The following RABGAP1L variants were observed in gnomAD, a reference collection of about 807,000 sequenced individuals.
RABGAP1L encodes the protein RAB GTPase activating protein 1 like.
RABGAP1L carries 63 observed loss-of-function variants against 137.7 expected under a neutral mutation model. The observed-to-expected ratio is 0.46, with a 90% CI of 0.37 to 0.56. The LOEUF (loss-of-function observed/expected upper bound fraction) is 0.56. Ranked by LOEUF, RABGAP1L falls within the 20% of genes least tolerant of loss-of-function variation. RABGAP1L has a pLI of 0.00. For missense variants in RABGAP1L, 1,095 were observed against 1,244.0 expected, an observed-to-expected ratio of 0.88 and a Z score of 1.80; for synonymous variants, 431 against 433.7, an observed-to-expected ratio of 0.99 and a Z score of 0.08.
At position 174,470,596 on chromosome 1, in the gene RABGAP1L, G is replaced by A. The variant is rs566818855; in HGVS notation, c.1710+76451G>A. On this transcript the variant is annotated intron_variant, in intron 13 of 25. Transcript: ENST00000681986. ...AGCCTGGCCAACATGGTGAAACCCC[G>A]TCTCTACTAAAAGTACAAAAATTAG... Among the ~76,000 whole-genome samples the A allele has an allele frequency of 4.3e-3, 650 of 152,058 alleles. 4 individuals are homozygous for A. Among genetic ancestry groups the A allele is most frequent in the South Asian group, 0.012 (57 of 4,796 alleles).
At chr1:174,352,648 T>A (rs572942046) in intron 11 of RABGAP1L, among the ~76,000 whole-genome samples, 2 of 152,332 alleles carry the variant, frequency 1.3e-5, no homozygotes, top group East Asian at 3.9e-4. Flanking sequence ...TTGTTGGGTG[T>A]CTGAACATTG....
In RABGAP1L at chr1:174,923,892, AAAAG is replaced by A. The variant is rs1471531876; in HGVS notation, c.2341-33561_2341-33558del. 1.4e-4 allele frequency among the ~76,000 whole-genome samples: 22 copies of A among 152,028 alleles called. No individual in the cohort carries two copies. The South Asian group carries it at 2.1e-3, about 14-fold the overall frequency. ...CGAGACTGTCTCAAAAAAAAAAAAA[AAAAG>A]AAAAAAGAAAAAGTCGGTTTGTTTA... is the stretch of plus-strand genomic sequence containing the variant. On this transcript the variant is annotated intron_variant, in intron 19 of 25. Coordinates refer to ENST00000681986, the MANE Select transcript of RABGAP1L (RefSeq NM_001366446.1).
intron 11 of RABGAP1L, among the ~76,000 whole-genome samples, chr1:174,349,805 G>A (rs1267905055): frequency 8.0e-5 from 10 of 125,168 alleles, no homozygotes; most frequent in Non-Finnish European, 1.5e-4. Context: ...CAGTAGGGGC[G>A]GCCGGGCAGA....
At chr1:174,933,754 A>G (rs1664258114) in intron 19 of RABGAP1L, among the ~76,000 whole-genome samples, 1 of 152,178 alleles carries the variant, frequency 6.6e-6, no homozygotes, top group Non-Finnish European at 1.5e-5. Flanking sequence ...TCAACTTAGT[A>G]TTCTATCCTG....
intron 13 of RABGAP1L, among the ~76,000 whole-genome samples, chr1:174,565,038 G>A (rs578186266): frequency 6.0e-4 from 91 of 152,216 alleles, no homozygotes; most frequent in Non-Finnish European, 9.7e-4. Flanking sequence ...CTTTTTAAAA[G>A]GACAGAGAGC....
rs1553248316 is a variant in RABGAP1L, at chr1:174,176,741, A to AATAAAAAAAAAT, written c.-34+17085_-34+17086insTAAAAAAAAATA. 3.0e-4 allele frequency among the ~76,000 whole-genome samples: 33 copies of AATAAAAAAAAAT among 111,792 alleles called. 2 individuals carry two copies. Among genetic ancestry groups the AATAAAAAAAAAT allele is most frequent in the Non-Finnish European group, 4.2e-4 (23 of 54,870 alleles). The allele number at this position is 111,792 out of a possible 152,430, so 73.3% of individuals were successfully genotyped here. A position where few individuals can be genotyped will look rare whatever the true frequency, so the allele number is the denominator to read the frequency against. ...AAAAAAAAAAAAAAAAAAAAAAAAAAAAAAAGGTCAACATTTGTTAATACT... is the reference window on the plus strand; with the variant it reads ...AAAAAAAAAAAAAAAAAAAAAAAAAAATAAAAAAAAATAAAAAGGTCAACATTTGTTAATACT... On this transcript the variant is annotated intron_variant, in intron 1 of 25. Coordinates refer to ENST00000681986, the MANE Select transcript of RABGAP1L (RefSeq NM_001366446.1).
Position 174,581,606 on chromosome 1 carries a change from T to C in RABGAP1L, c.1711-55769T>C, listed in dbSNP as rs557574057. On this transcript the variant is annotated intron_variant, in intron 13 of 25. Transcript: ENST00000681986. ...TGTTTATTTTGGAGGTATGAAAATG[T>C]TTTAAACCTCGACTTGTGACAAATA... 3.3e-5 allele frequency among the ~76,000 whole-genome samples: 5 copies of C among 152,328 alleles called. No homozygotes were observed. The East Asian group carries it at 7.7e-4, about 23-fold the overall frequency.
chr1:174,807,348 A>G (rs1689410596), intron 18 of RABGAP1L, among the ~76,000 whole-genome samples: 1 of 152,198 alleles, frequency 6.6e-6, no homozygotes, highest in Non-Finnish European at 1.5e-5. Context: ...ATGATTGAAA[A>G]AGTATTCTTT....
At chr1:174,966,549 C>T (rs1216787409) in intron 20 of RABGAP1L, among the ~76,000 whole-genome samples, 2 of 152,120 alleles carry the variant, frequency 1.3e-5, no homozygotes. Flanking sequence ...GCTAACTCTC[C>T]AGCCCCTGCT....
At chr1:174,308,774 A>C (rs1456963802) in intron 11 of RABGAP1L, among the ~76,000 whole-genome samples, 1 of 152,054 alleles carries the variant, frequency 6.6e-6, no homozygotes, top group Non-Finnish European at 1.5e-5. Flanking sequence ...TGGTTACTTT[A>C]GCATTGCACT....
chr1:174,238,324 C>A (rs1671408378), intron 4 of RABGAP1L, among the ~76,000 whole-genome samples: 1 of 152,170 alleles, frequency 6.6e-6, no homozygotes, highest in Non-Finnish European at 1.5e-5. Flanking sequence ...AACTGCGTTC[C>A]TTTGGAGGAG....
chr1:174,878,956 G>A (rs1296311517), intron 19 of RABGAP1L, among the ~76,000 whole-genome samples: 3 of 93,386 alleles, frequency 3.2e-5, no homozygotes, highest in Admixed American at 1.6e-4. Context: ...TTTTTGACAT[G>A]GAGTCTCCCT....
At chr1:174,361,271 A>G (rs923690369) in intron 11 of RABGAP1L, among the ~76,000 whole-genome samples, 4 of 129,812 alleles carry the variant, frequency 3.1e-5, no homozygotes, top group Non-Finnish European at 6.6e-5. Flanking sequence ...TTCTGAGTCT[A>G]TTGTGATTTC....
intron 14 of RABGAP1L, among the ~76,000 whole-genome samples, chr1:174,642,056 A>C (rs1214513751): frequency 6.6e-6 from 1 of 152,182 alleles, no homozygotes; most frequent in Non-Finnish European, 1.5e-5. Context: ...AGTCATAGTA[A>C]TCAGGTAAAA....
rs927249676 is a variant in RABGAP1L at position 174,438,788 on chromosome 1, T to G, written c.1710+44643T>G. ...TATATATATATATATGACTTTTTAA[T>G]TTTTCTCAAATGACATTTTATAGTT... On this transcript the variant is annotated intron_variant, in intron 13 of 25. Transcript: ENST00000681986. Among the ~76,000 whole-genome samples, 34 of 122,720 alleles carry G rather than the reference T, an allele frequency of 2.8e-4. 1 individual carries two copies. The highest frequency in any genetic ancestry group is 1.1e-3 in the Admixed American group (14 of 12,704). The allele number at this position is 122,720 out of a possible 152,430, so 80.5% of individuals were successfully genotyped here.
intron 12 of RABGAP1L, among the ~76,000 whole-genome samples, chr1:174,371,823 G>A (rs537028657): frequency 6.6e-6 from 1 of 152,158 alleles, no homozygotes; most frequent in Non-Finnish European, 1.5e-5. Context: ...GTAGAAGAAA[G>A]AATAATTTAA....
At chr1:174,683,498 T>A in intron 14 of RABGAP1L, 24 bp from the exon 15 acceptor site, 1 of 1,545,856 alleles carries the variant, frequency 6.5e-7, no homozygotes, top group Non-Finnish European at 8.9e-7. Context: ...TTACGATATT[T>A]CTTTCTTTTC....
intron 13 of RABGAP1L, among the ~76,000 whole-genome samples, chr1:174,538,822 G>A (rs1665108308): frequency 6.6e-6 from 1 of 152,018 alleles, no homozygotes; most frequent in Admixed American, 6.5e-5. Flanking sequence ...TACCACATAG[G>A]TATACATGTT....
intron 14 of RABGAP1L, among the ~76,000 whole-genome samples, chr1:174,671,326 T>G (rs536881140): frequency 2.6e-5 from 4 of 152,196 alleles, no homozygotes; most frequent in Non-Finnish European, 5.9e-5. Context: ...TTTATTTCTT[T>G]CTTTTGCCAA....
Sources: allele counts gnomAD v4.1 joint callset (sites outside exome capture counted in the v4.1 genomes callset), GRCh38; gene constraint gnomAD v4.1.1; transcripts MANE v1.5; gene names NCBI Gene and HGNC (gene_info 2026-07-23, HGNC 2026-07-21).